The following KCNIP4 variants were observed in gnomAD, a reference collection of about 807,000 sequenced individuals.
The protein encoded by KCNIP4 is Kv channel-interacting protein 4.
KCNIP4 carries 12 observed loss-of-function variants against 34.0 expected under a neutral mutation model. The observed-to-expected ratio is 0.35, with a 90% CI of 0.23 to 0.57. KCNIP4 has a LOEUF of 0.57. KCNIP4 is among the 20% of genes least tolerant of loss of function. The pLI, the probability that KCNIP4 is intolerant of heterozygous loss-of-function variation, is 0.83. For missense variants in KCNIP4, 238 were observed against 311.7 expected (o/e 0.76, Z 1.78); for synonymous variants, 124 against 102.2 (o/e 1.21, Z -1.29).
At chr4:21,684,240 A>T (rs1272878970) in intron 1 of KCNIP4, among the ~76,000 whole-genome samples, 1 of 152,212 alleles carries the variant, frequency 6.6e-6, no homozygotes, top group Non-Finnish European at 1.5e-5. Context: ...TATGCGTTTT[A>T]GAAGCTGGAA....
intron 1 of KCNIP4, among the ~76,000 whole-genome samples, chr4:21,398,588 G>A (rs555752980): frequency 2.6e-5 from 4 of 152,186 alleles, no homozygotes; most frequent in African/African-American, 9.7e-5. Context: ...TGCATACAGA[G>A]TGAAATTTAT....
At chr4:21,157,864 A>G (rs1263625560) in intron 1 of KCNIP4, among the ~76,000 whole-genome samples, 1 of 152,112 alleles carries the variant, frequency 6.6e-6, no homozygotes, top group Non-Finnish European at 1.5e-5. Flanking sequence ...AACAGAAAAC[A>G]ATAGAAAAAA....
rs367771007 is a variant in KCNIP4, at chr4:21,515,439, C to T, written c.61+433132G>A. Among the ~76,000 whole-genome samples the T allele has an allele frequency of 1.6e-3, 236 of 152,142 alleles. 10 individuals carry two copies. The South Asian group carries it at 0.042, about 27-fold the overall frequency. ...GGATCACGAGGTCAGGAAATCGAGA[C>T]CATCCTGGTTAACACGGCGAAACCC... On this transcript the variant is annotated intron_variant, in intron 1 of 8. Transcript: ENST00000382152.
At chr4:21,566,958 T>C (rs997121704) in intron 1 of KCNIP4, among the ~76,000 whole-genome samples, 1 of 152,146 alleles carries the variant, frequency 6.6e-6, no homozygotes, top group Non-Finnish European at 1.5e-5. Context: ...CAGATTTGTG[T>C]AAATCAGAAA....
At chr4:21,725,698 A>G (rs930315628) in intron 1 of KCNIP4, among the ~76,000 whole-genome samples, 3 of 152,130 alleles carry the variant, frequency 2.0e-5, no homozygotes, top group African/African-American at 4.8e-5. Context: ...TTGTTTGGCA[A>G]TATTTTTCTT....
At chr4:21,456,564 T>C (rs1728972502) in intron 1 of KCNIP4, among the ~76,000 whole-genome samples, 1 of 148,270 alleles carries the variant, frequency 6.7e-6, no homozygotes, top group Non-Finnish European at 1.5e-5. Context: ...CGTAGTGAAC[T>C]TATTTCATAA....
intron 2 of KCNIP4, among the ~76,000 whole-genome samples, chr4:20,867,397 CAA>C (rs1722983355): frequency 6.6e-6 from 1 of 151,942 alleles, no homozygotes; most frequent in African/African-American, 2.4e-5. Context: ...TGATCTTTGA[CAA>C]GGCTGACAAA....
chr4:21,776,508 C>A (rs146144915), intron 1 of KCNIP4, among the ~76,000 whole-genome samples: 391 of 152,256 alleles, frequency 2.6e-3, no homozygotes, highest in African/African-American at 9.1e-3. Context: ...GCTCTGGCAA[C>A]ACTGCAACCC....
chr4:21,637,696 T>C (rs1201684575), intron 1 of KCNIP4, among the ~76,000 whole-genome samples: 1 of 146,730 alleles, frequency 6.8e-6, no homozygotes, highest in East Asian at 2.0e-4. Flanking sequence ...AGCAGGAGAA[T>C]CGCTTGAACC....
At chr4:21,882,042 C>T (rs1037675191) in intron 1 of KCNIP4, among the ~76,000 whole-genome samples, 1 of 152,136 alleles carries the variant, frequency 6.6e-6, no homozygotes, top group Non-Finnish European at 1.5e-5. Context: ...TCTACTAACG[C>T]TTATTAAGCA....
At chr4:20,885,316 A>C (rs570903516) in intron 1 of KCNIP4, among the ~76,000 whole-genome samples, 68 of 152,368 alleles carry the variant, frequency 4.5e-4, no homozygotes, top group African/African-American at 1.6e-3. Context: ...ACTCCTGCAG[A>C]TAACATCACT....
chr4:20,970,839 C>A (rs1399888128), intron 1 of KCNIP4, among the ~76,000 whole-genome samples: 1 of 152,188 alleles, frequency 6.6e-6, no homozygotes, highest in East Asian at 1.9e-4. Flanking sequence ...ATCTACCTAA[C>A]AGTTCACTCA....
At chr4:21,818,049 A>C (rs1722096674) in intron 1 of KCNIP4, among the ~76,000 whole-genome samples, 1 of 151,836 alleles carries the variant, frequency 6.6e-6, no homozygotes, top group African/African-American at 2.4e-5. Flanking sequence ...CTGTTCTTAC[A>C]CCCCTTCCCT....
intron 1 of KCNIP4, among the ~76,000 whole-genome samples, chr4:21,192,582 A>G (rs1755731248): frequency 1.3e-5 from 2 of 152,178 alleles, no homozygotes; most frequent in East Asian, 3.9e-4. Context: ...CAGGCAGGAT[A>G]CTAACCAGAT....
At chr4:21,107,348 T>C (rs1287723952) in intron 1 of KCNIP4, among the ~76,000 whole-genome samples, 1 of 143,988 alleles carries the variant, frequency 6.9e-6, no homozygotes, top group African/African-American at 2.8e-5. Flanking sequence ...TTTACCATTA[T>C]GTAATGACCT....
chr4:21,634,223 CAAAAAA>C (rs376741978), intron 1 of KCNIP4, among the ~76,000 whole-genome samples: 16,256 of 112,694 alleles, frequency 0.14, 1,105 homozygotes, highest in Middle Eastern at 0.25. Flanking sequence ...GTTCTTTCCT[CAAAAAA>C]AAAAAAAAAA....
chr4:21,581,732 C>T (rs1245479347), intron 1 of KCNIP4, among the ~76,000 whole-genome samples: 1 of 151,828 alleles, frequency 6.6e-6, no homozygotes, highest in African/African-American at 2.4e-5. Flanking sequence ...TTGGTTCAGT[C>T]CCTCATCACT....
At chr4:21,780,078 T>G (rs543728032) in intron 1 of KCNIP4, among the ~76,000 whole-genome samples, 5 of 152,100 alleles carry the variant, frequency 3.3e-5, no homozygotes, top group Non-Finnish European at 7.4e-5. Flanking sequence ...CAGATGAAGA[T>G]AGTGGATGAA....
At chr4:20,998,298 A>G (rs1440388810) in intron 1 of KCNIP4, among the ~76,000 whole-genome samples, 3 of 152,222 alleles carry the variant, frequency 2.0e-5, no homozygotes, top group Non-Finnish European at 1.5e-5. Context: ...TAGAAGCCCT[A>G]TCAATCCCAA....
Sources: allele counts gnomAD v4.1 joint callset (sites outside exome capture counted in the v4.1 genomes callset), GRCh38; gene constraint gnomAD v4.1.1; transcripts MANE v1.5; gene names NCBI Gene and HGNC (gene_info 2026-07-23, HGNC 2026-07-21).